Variants in ATG12 observed in about 807,000 individuals in gnomAD.
ATG12 encodes autophagy related 12, also known as ubiquitin-like protein ATG12.
A neutral mutation model predicts 17.6 loss-of-function variants in ATG12; 19 were observed. That is an observed-to-expected ratio of 1.08 (90% CI 0.75 to 1.58). The LOEUF is 1.58. ATG12 is among the 40% of genes most tolerant of loss of function. The pLI is 0.00. For synonymous variants in ATG12, 75 were observed against 62.4 expected, an observed-to-expected ratio of 1.20 and a Z score of -0.95; for missense variants, 214 against 162.0, an observed-to-expected ratio of 1.32 and a Z score of -1.74.
chr5:115,832,567 C>A, intron 3 of ATG12, 35 bp downstream of exon 3: 4 of 1,066,372 alleles, frequency 3.8e-6, no homozygotes, highest in African/African-American at 3.0e-5. Flanking sequence ...GCAGTAATTT[C>A]TTTCTTTTTT....
rs935194387 is a variant in ATG12 at position 115,837,773 on chromosome 5, G to A, written c.164-9C>T. The A allele has an allele frequency of 4.4e-6, 7 of 1,584,910 alleles. No individual in the cohort carries two copies. The highest frequency in any genetic ancestry group is 5.1e-6 in the Non-Finnish European group (6 of 1,170,498). ...CTTTAGCAAAATGTCAACTGTAAAAGAAGAATAAAATTTACTGACAATTAC... is the reference window on the plus strand; with the variant it reads ...CTTTAGCAAAATGTCAACTGTAAAAAAAGAATAAAATTTACTGACAATTAC... On this transcript the variant is annotated splice_polypyrimidine_tract_variant and intron_variant, in intron 1 of 3. Coordinates refer to ENST00000509910, the MANE Select transcript of ATG12 (RefSeq NM_004707.4).
rs1265286313 is a variant in ATG12, at chr5:115,830,466, T to C, written c.*1338A>G. 2.6e-5 allele frequency: 4 copies of C among 152,182 alleles called. No individual in the cohort carries two copies. Among genetic ancestry groups the C allele is most frequent in the Non-Finnish European group, 4.4e-5 (3 of 68,024 alleles). 9.4% of individuals were successfully genotyped at this position (152,182 alleles called of 1,614,324 possible). A position where few individuals can be genotyped will look rare whatever the true frequency, so the allele number is the denominator to read the frequency against. On this transcript the variant is annotated 3_prime_UTR_variant, in exon 4 of 4. Transcript: ENST00000509910. The stretch of plus-strand genomic sequence containing the variant: ...ATACTCATTTAACTTTAAAATGATA[T>C]TACTTTGAATTCTACTACATACCAT...
intron 2 of ATG12, among the ~76,000 whole-genome samples, chr5:115,835,314 TG>T (rs1761048743): frequency 6.6e-6 from 1 of 152,230 alleles, no homozygotes; most frequent in South Asian, 2.1e-4. Flanking sequence ...GTACGGGATT[TG>T]ACCTTGTTAT....
intron 3 of ATG12, among the ~76,000 whole-genome samples, chr5:115,832,346 G>A (rs572311654): frequency 5.8e-4 from 88 of 152,062 alleles, no homozygotes; most frequent in African/African-American, 2.1e-3. Context: ...AGATGACTTT[G>A]AAATGTAATT....
chr5:115,835,095 A>C (rs778668089), intron 2 of ATG12: 1 of 151,552 alleles, frequency 6.6e-6, no homozygotes, highest in Non-Finnish European at 1.5e-5. Context: ...ATTTTCTTTT[A>C]TTTCTAATTC....
chr5:115,831,626 T>C lies in ATG12; in HGVS notation c.*178A>G. ...ATGATGACTGGTGCATTAATACAAA[T>C]CACATTTTTCTGAGTCCATTCATGC... On this transcript the variant is annotated 3_prime_UTR_variant, in exon 4 of 4. Transcript: ENST00000509910. 3.1e-6 allele frequency: 2 copies of C among 655,738 alleles called. No individual in the cohort carries two copies. Among genetic ancestry groups the C allele is most frequent in the South Asian group, 1.7e-5 (1 of 57,264 alleles). 40.6% of individuals were successfully genotyped at this position (655,738 alleles called of 1,614,324 possible).
intron 2 of ATG12, among the ~76,000 whole-genome samples, chr5:115,837,332 T>G (rs1761146294): frequency 6.6e-6 from 1 of 151,850 alleles, no homozygotes; most frequent in Non-Finnish European, 1.5e-5. Flanking sequence ...AACACAAAAA[T>G]TAGCCAGGCT....
At chr5:115,837,096 T>C (rs1337900750) in intron 2 of ATG12, among the ~76,000 whole-genome samples, 1 of 152,234 alleles carries the variant, frequency 6.6e-6, no homozygotes, top group East Asian at 1.9e-4. Flanking sequence ...TGCATGGGTA[T>C]TCATGCATAC....
At chr5:115,835,497 GTCTTTC>G (rs941685247) in intron 2 of ATG12, among the ~76,000 whole-genome samples, 1 of 151,970 alleles carries the variant, frequency 6.6e-6, no homozygotes, top group Non-Finnish European at 1.5e-5. Flanking sequence ...TTTTGATCTG[GTCTTTC>G]TCTTTCCTTC....
In ATG12 at chr5:115,831,759, G is replaced by A. The variant is rs754487022; in HGVS notation, c.*45C>T. The A allele has an allele frequency of 2.1e-5, 33 of 1,584,398 alleles. No individual in the cohort carries two copies. The Admixed American group carries it at 3.1e-4, about 15-fold the overall frequency. ...AAAACTTTTCAGAGCTGTCTCTTCC[G>A]TGAAAATCCATTTCATGTAGTAGCA... On this transcript the variant is annotated 3_prime_UTR_variant, in exon 4 of 4. Transcript: ENST00000509910.
rs1760934570 is a variant in ATG12 at position 115,832,660 on chromosome 5, ATAAAC to A, written c.301-1_304del. ...AGGAGCAAAGGACTGATTCACATAA[ATAAAC>A]TACAAGAAAGGAAGGAAAAACAGAG... On this transcript the variant is annotated splice_acceptor_variant and coding_sequence_variant, in exon 3 of 4. Transcript: ENST00000509910. LOFTEE classifies it high-confidence loss of function. 6.5e-7 allele frequency: 1 copy of A among 1,531,714 alleles called. No individual in the cohort carries two copies. The highest frequency in any genetic ancestry group is 1.4e-5 in the African/African-American group (1 of 69,180). 94.9% of individuals were successfully genotyped at this position (1,531,714 alleles called of 1,614,324 possible).
rs1761473533 is a variant in ATG12, at chr5:115,841,413, G to C, written c.140C>G (p.Pro47Arg). 3.1e-6 allele frequency: 5 copies of C among 1,610,298 alleles called. No individual in the cohort carries two copies. The highest frequency in any genetic ancestry group is 3.4e-6 in the Non-Finnish European group (4 of 1,179,180). Residue 47 changes from proline to arginine, a missense_variant, in exon 1 of 4, where the codon CCT becomes CGT. Pro to Arg is a moderately radical substitution (Grantham distance 103). Transcript: ENST00000509910. ...SAAVSPGTEE[P>R]AGDTKKKIDI... is the part of the protein sequence containing the mutation. ...ACTTTTTTTCTTGGTGTCGCCAGCA[G>C]GTTCCTCTGTTCCCGGGGAAACTGC...
At position 115,832,624 on chromosome 5, in the gene ATG12, T is replaced by A. The variant is rs773685540; in HGVS notation, c.341A>T (p.Gln114Leu). The change falls in exon 3 of 4, where the codon CAA (glutamine) becomes CTA (leucine). Residue 114 changes from glutamine (Q) to leucine (L), a missense_variant. Transcript: ENST00000509910. The part of the protein sequence containing the change: ...VNQSFAPSPD[Q>L]EVGTLYECFG... ...TACCTCATAGAGAGTTCCAACTTCTTGGTCTGGGGAAGGAGCAAAGGACTG... is the reference window on the plus strand; with the variant it reads ...TACCTCATAGAGAGTTCCAACTTCTAGGTCTGGGGAAGGAGCAAAGGACTG... 6.9e-7 allele frequency: 1 copy of A among 1,446,596 alleles called. No individual in the cohort carries two copies. The highest frequency in any genetic ancestry group is 1.4e-5 in the South Asian group (1 of 73,272). The allele number at this position is 1,446,596 out of a possible 1,614,324, so 89.6% of individuals were successfully genotyped here. A position where few individuals can be genotyped will look rare whatever the true frequency, so the allele number is the denominator to read the frequency against.
intron 2 of ATG12, chr5:115,832,900 G>GT (rs1760946926): frequency 2.7e-6 from 1 of 371,012 alleles, no homozygotes; most frequent in Non-Finnish European, 4.9e-6. Flanking sequence ...TCCTAACTTT[G>GT]TATAACTAAG....
In ATG12 at chr5:115,828,533, G is replaced by GT. The variant is rs1267601089; in HGVS notation, c.*3270dup. 1 of 152,078 alleles carries GT rather than the reference G, an allele frequency of 6.6e-6. No homozygotes were observed. Among genetic ancestry groups the GT allele is most frequent in the African/African-American group, 2.4e-5 (1 of 41,398 alleles). The allele number at this position is 152,078 out of a possible 1,614,324, so 9.4% of individuals were successfully genotyped here. ...GTATCTTTTTGTGAATCGAAATTTGGTATGTTTTGCCTATTTTTCAGTTGG... is the reference window on the plus strand; with the variant it reads ...GTATCTTTTTGTGAATCGAAATTTGGTTATGTTTTGCCTATTTTTCAGTTGG... On this transcript the variant is annotated 3_prime_UTR_variant, in exon 4 of 4. Transcript: ENST00000509910.
rs1339809315 is a variant in ATG12, at chr5:115,841,464, G to C, written c.89C>G (p.Thr30Ser). 6.2e-7 allele frequency: 1 copy of C among 1,611,214 alleles called. No individual in the cohort carries two copies. The highest frequency in any genetic ancestry group is 8.5e-7 in the Non-Finnish European group (1 of 1,179,290). Reference protein sequence around the residue: ...EGLTDVSPETTTPEPPSSAAV... With the variant: ...EGLTDVSPETSTPEPPSSAAV... The stretch of plus-strand genomic sequence containing the variant: ...AGCGGAAGACGGGGGCTCCGGGGTG[G>C]TTGTTTCTGGGGAGACATCCGTAAG... The change falls in exon 1 of 4, where the codon ACC (threonine) becomes AGC (serine). Residue 30 changes from threonine (T) to serine (S), a missense_variant. By Grantham distance (58) the Thr-to-Ser change is moderately conservative (BLOSUM62 1). Transcript: ENST00000509910.
chr5:115,833,706 C>G (rs555398006), intron 2 of ATG12: 1 of 152,156 alleles, frequency 6.6e-6, no homozygotes, highest in Non-Finnish European at 1.5e-5. Flanking sequence ...GCTGAAATAT[C>G]AATTTGTGGT....
At chr5:115,836,421 G>A (rs770264656) in intron 2 of ATG12, among the ~76,000 whole-genome samples, 9 of 152,026 alleles carry the variant, frequency 5.9e-5, no homozygotes, top group Non-Finnish European at 1.3e-4. Context: ...TGCATCTTTA[G>A]CAAAGATGCA....
chr5:115,832,984 T>G, intron 2 of ATG12: 1 of 197,154 alleles, frequency 5.1e-6, no homozygotes, highest in South Asian at 1.8e-4. Context: ...CGTAAAAATG[T>G]CCCCACTTAC....
Sources: allele counts gnomAD v4.1 joint callset (sites outside exome capture counted in the v4.1 genomes callset), GRCh38; gene constraint gnomAD v4.1.1; transcripts MANE v1.5; gene names NCBI Gene and HGNC (gene_info 2026-07-23, HGNC 2026-07-21).